Variants in SMYD3 observed in about 807,000 individuals in gnomAD.
SMYD3 encodes the protein SET and MYND domain containing 3, also known as histone-lysine N-methyltransferase SMYD3.
A neutral mutation model predicts 57.7 loss-of-function variants in SMYD3; 36 were observed. The ratio of observed to expected loss-of-function variants is 0.62; its 90% CI spans 0.48 to 0.82. The LOEUF (loss-of-function observed/expected upper bound fraction) is 0.82. Among genes scored for constraint, SMYD3 ranks in the 40% least tolerant of loss-of-function variants. The pLI, the probability that SMYD3 is intolerant of heterozygous loss-of-function variation, is 0.00. For missense variants in SMYD3, 515 were observed against 538.8 expected, an observed-to-expected ratio of 0.96 and a Z score of 0.44; for synonymous variants, 211 against 195.0, an observed-to-expected ratio of 1.08 and a Z score of -0.68.
intron 5 of SMYD3, among the ~76,000 whole-genome samples, chr1:246,067,189 T>C (rs1572970219): frequency 6.6e-6 from 1 of 152,210 alleles, no homozygotes; most frequent in South Asian, 2.1e-4. Flanking sequence ...TAAAATCAAG[T>C]AAATATTGTC....
chr1:246,329,330 C>T (rs1188003836), intron 4 of SMYD3, among the ~76,000 whole-genome samples: 1 of 152,176 alleles, frequency 6.6e-6, no homozygotes, highest in Non-Finnish European at 1.5e-5. Flanking sequence ...GTTCCTATTT[C>T]TCCACATCCT....
intron 5 of SMYD3, among the ~76,000 whole-genome samples, chr1:245,950,049 C>A (rs1311138053): frequency 6.6e-6 from 1 of 152,012 alleles, no homozygotes; most frequent in African/African-American, 2.4e-5. Flanking sequence ...AATTGTTAGA[C>A]CAGGAGTGCA....
intron 5 of SMYD3, among the ~76,000 whole-genome samples, chr1:245,943,199 C>T (rs1215444370): frequency 8.1e-6 from 1 of 123,284 alleles, no homozygotes; most frequent in African/African-American, 3.0e-5. Context: ...TCAAAGAATA[C>T]AGGGGCTGAG....
intron 5 of SMYD3, among the ~76,000 whole-genome samples, chr1:246,187,924 A>G (rs1388606163): frequency 1.3e-5 from 2 of 151,884 alleles, no homozygotes; most frequent in Non-Finnish European, 2.9e-5. Context: ...TGTCGTATCA[A>G]TGGTCTTGGT....
chr1:246,221,899 T>C (rs939807966), intron 5 of SMYD3, among the ~76,000 whole-genome samples: 16 of 152,272 alleles, frequency 1.1e-4, no homozygotes, highest in African/African-American at 3.9e-4. Flanking sequence ...ACCAGTCACA[T>C]GTTTCCGGCC....
chr1:245,912,743 A>G lies in SMYD3; in HGVS notation c.813+2787T>C, dbSNP rs540067087. On this transcript the variant is annotated intron_variant, in intron 8 of 11. Transcript: ENST00000490107. ...CTGATTGTCAACAAAGGCACCAAGA[A>G]CACACAGTGGGGAAAGGACACCTCT... is the stretch of plus-strand genomic sequence containing the variant. 5.3e-5 allele frequency among the ~76,000 whole-genome samples: 8 copies of G among 152,350 alleles called. No homozygotes were observed. The East Asian group carries it at 1.5e-3, about 29-fold the overall frequency.
chr1:246,035,458 A>G (rs947244166), intron 5 of SMYD3: 1 of 152,214 alleles, frequency 6.6e-6, no homozygotes, highest in South Asian at 2.1e-4. Flanking sequence ...GCCACTCACA[A>G]AATGAGCCTT....
chr1:245,983,715 A>C (rs2058646685), intron 5 of SMYD3, among the ~76,000 whole-genome samples: 1 of 152,208 alleles, frequency 6.6e-6, no homozygotes. Flanking sequence ...GATTAAGACA[A>C]AGATTTAAAA....
At chr1:245,833,073 A>AAAAAAAAAAAAAAAC in intron 10 of SMYD3, among the ~76,000 whole-genome samples, 4,353 of 127,580 alleles carry the variant, frequency 0.034, 333 homozygotes, top group East Asian at 0.19. Context: ...AAAAAAAAAA[A>AAAAAAAAAAAAAAAC]AACCTGCTTT....
At chr1:245,948,648 A>T (rs79020491) in intron 5 of SMYD3, among the ~76,000 whole-genome samples, 2 of 30 alleles carry the variant, frequency 0.067, no homozygotes, top group African/African-American at 0.12. Context: ...CCTGGGCCCC[A>T]AATAGCCCTT....
intron 10 of SMYD3, among the ~76,000 whole-genome samples, chr1:245,775,319 T>G (rs2046534401): frequency 6.6e-6 from 1 of 152,166 alleles, no homozygotes. Context: ...ATTGTTGCTG[T>G]GTCTGTGTAG....
chr1:246,453,354 G>C (rs1169593911), intron 1 of SMYD3, among the ~76,000 whole-genome samples: 1 of 152,128 alleles, frequency 6.6e-6, no homozygotes, highest in South Asian at 2.1e-4. Flanking sequence ...ATTCAAGGGA[G>C]AAAAAAGTTG....
chr1:246,181,937 G>A (rs891807864), intron 5 of SMYD3, among the ~76,000 whole-genome samples: 20 of 152,236 alleles, frequency 1.3e-4, no homozygotes, highest in East Asian at 3.9e-4. Flanking sequence ...CAATGATCAC[G>A]TAGAGATAAT....
Position 246,483,198 on chromosome 1 carries a change from T to C in SMYD3, c.164+23856A>G, listed in dbSNP as rs185061742. 3.2e-4 allele frequency among the ~76,000 whole-genome samples: 49 copies of C among 152,372 alleles called. 1 individual carries two copies. The East Asian group carries it at 8.9e-3, about 28-fold the overall frequency. On this transcript the variant is annotated intron_variant, in intron 1 of 11. Coordinates refer to ENST00000490107, the MANE Select transcript of SMYD3 (RefSeq NM_001167740.2). ...ATGACTTCCCCCTCGATGATATGTA[T>C]ATTTCAATTGATGTGCCTGAACATT...
At chr1:246,504,998 A>T (rs2068514440) in intron 1 of SMYD3, among the ~76,000 whole-genome samples, 2 of 152,234 alleles carry the variant, frequency 1.3e-5, no homozygotes, top group Non-Finnish European at 1.5e-5. Context: ...CACTATAACC[A>T]CTAAAATGGG....
chr1:245,817,092 C>A (rs901400904), intron 10 of SMYD3, among the ~76,000 whole-genome samples: 9 of 151,480 alleles, frequency 5.9e-5, no homozygotes, highest in Non-Finnish European at 1.2e-4. Context: ...CCTCTGGGGG[C>A]AGGGCACAGA....
chr1:246,019,657 C>A (rs78534889), intron 5 of SMYD3, among the ~76,000 whole-genome samples: 5,067 of 152,246 alleles, frequency 0.033, 284 homozygotes, highest in African/African-American at 0.12. Flanking sequence ...GAATTCATAT[C>A]TAGATTACCT....
chr1:246,143,126 TAC>T (rs370332515), intron 5 of SMYD3, among the ~76,000 whole-genome samples: 14,051 of 145,980 alleles, frequency 0.096, 667 homozygotes, highest in Middle Eastern at 0.18. Context: ...GTATATTTAA[TAC>T]ACACACACAC....
At chr1:246,220,984 G>T (rs1322178977) in intron 5 of SMYD3, among the ~76,000 whole-genome samples, 1 of 151,722 alleles carries the variant, frequency 6.6e-6, no homozygotes, top group East Asian at 1.9e-4. Context: ...TCTGCTGAGA[G>T]AACAGACAGA....
Sources: gnomAD v4.1 joint callset for allele counts (sites outside exome capture counted in the v4.1 genomes callset) on GRCh38, gnomAD v4.1.1 for gene constraint, MANE v1.5 for transcripts, NCBI Gene and HGNC (gene_info 2026-07-23, HGNC 2026-07-21) for gene names.